POGZ: variants seen among roughly 807,000 people sequenced by gnomAD.
POGZ encodes the protein pogo transposable element with ZNF domain.
POGZ carries 17 observed loss-of-function variants against 134.6 expected under a neutral mutation model. The observed-to-expected ratio is 0.13, with a 90% CI of 0.09 to 0.19. POGZ has a LOEUF of 0.19. Among genes scored for constraint, POGZ ranks in the 10% least tolerant of loss-of-function variants. POGZ has a pLI of 1.00. For missense variants in POGZ, 1,306 were observed against 1,769.7 expected, an observed-to-expected ratio of 0.74 and a Z score of 4.70; for synonymous variants, 693 against 657.1, an observed-to-expected ratio of 1.05 and a Z score of -0.84.
At position 151,427,862 on chromosome 1, in the gene POGZ, C is replaced by T. The variant is rs774721621; in HGVS notation, c.1039G>A (p.Gly347Ser). Residue 347 changes from glycine (G) to serine (S), a missense_variant, in exon 7 of 19, where the codon GGC (glycine) becomes AGC (serine). Physicochemically the swap from Gly to Ser is moderately conservative, Grantham distance 56. Around this residue, in one of 10 missense-constraint regions of POGZ, gnomAD observed 541 missense variants for 680.5 expected, o/e 0.80. Coordinates refer to ENST00000271715, the MANE Select transcript of POGZ (RefSeq NM_015100.4). The part of the protein sequence containing the change: ...VVVSNNSSAH[G>S]SQRTSGPESS... ...TCAGGTCCGCTGGTTCTTTGAGAGC[C>T]ATGAGCAGAGCTGTTGTTGGACACC... 1.7e-5 allele frequency: 27 copies of T among 1,613,894 alleles called. No individual in the cohort carries two copies. The highest frequency in any genetic ancestry group is 8.3e-5 in the Admixed American group (5 of 59,988).
At chr1:151,453,671 A>G (rs186660986) in intron 1 of POGZ, among the ~76,000 whole-genome samples, 239 of 152,316 alleles carry the variant, frequency 1.6e-3, no homozygotes, top group Non-Finnish European at 2.4e-3. Context: ...TTAACACTGC[A>G]GGCTCACACA....
chr1:151,414,584 A>C (rs1262157841), intron 10 of POGZ, among the ~76,000 whole-genome samples: 2 of 152,208 alleles, frequency 1.3e-5, no homozygotes, highest in African/African-American at 4.8e-5. Context: ...GGAGTTCAAG[A>C]CAAGCCTGAC....
At position 151,441,010 on chromosome 1, in the gene POGZ, T is replaced by C. The variant is rs773958748; in HGVS notation, c.201A>G (p.Thr67=). Residue 67 remains threonine, a synonymous_variant, in exon 3 of 19, where the codon ACA becomes ACG. Coordinates refer to ENST00000271715, the MANE Select transcript of POGZ (RefSeq NM_015100.4). The part of the protein sequence containing the change: ...AHASVAGHLS[T]STTVSSSGAQ... ...CCCCGCTGCTACTAACGGTGGTGGA[T>C]GTAGAGAGGTGCCCAGCAACAGAAG... 11 of 1,613,710 alleles carry C rather than the reference T, an allele frequency of 6.8e-6. No homozygotes were observed. The highest frequency in any genetic ancestry group is 9.3e-6 in the Non-Finnish European group (11 of 1,179,776).
At position 151,405,738 on chromosome 1, in the gene POGZ, C is replaced by T. The variant is rs116755407; in HGVS notation, c.3297G>A (p.Glu1099=). The T allele has an allele frequency of 2.0e-3, 3,289 of 1,614,228 alleles. 8 individuals carry two copies. The highest frequency in any genetic ancestry group is 2.7e-3 in the Non-Finnish European group (3,182 of 1,180,032). ...CAAAATCAATGAAGAGTCCTGCATT[C>T]TCTGCTACATCCTTAGGTAGGGTGT... is the stretch of plus-strand genomic sequence containing the variant. The part of the protein sequence containing the change: ...VAHTLPKDVA[E]NAGLFIDFVQ... Residue 1099 remains glutamate, a synonymous_variant, in exon 19 of 19, where the codon GAG becomes GAA. Coordinates refer to ENST00000271715, the MANE Select transcript of POGZ (RefSeq NM_015100.4). The surrounding 1 kb of genome is among the most constrained non-coding windows in gnomAD (Gnocchi z 4.9).
chr1:151,446,046 CTTTTTTTTTTT>C (rs573169016), intron 1 of POGZ, among the ~76,000 whole-genome samples: 1 of 123,926 alleles, frequency 8.1e-6, no homozygotes, highest in African/African-American at 3.0e-5. Context: ...CGTCTTTCAA[CTTTTTTTTTTT>C]TTTTTTTTTA....
intron 17 of POGZ, 133 bp downstream of exon 17, chr1:151,406,778 G>A (rs1404990601): frequency 1.1e-5 from 11 of 968,364 alleles, no homozygotes; most frequent in Admixed American, 8.8e-5. Context: ...CAGGTCGGAA[G>A]GTTTCTAATT....
chr1:151,435,958 C>CTTTTTT (rs58367755), intron 3 of POGZ, among the ~76,000 whole-genome samples: 10 of 134,806 alleles, frequency 7.4e-5, no homozygotes, highest in Non-Finnish European at 1.4e-4. Context: ...ATTTTCTTTT[C>CTTTTTT]TTTTTTTTTT....
At chr1:151,458,576 G>GCGCACC (rs1663059418) in intron 1 of POGZ, among the ~76,000 whole-genome samples, 12 of 150,568 alleles carry the variant, frequency 8.0e-5, no homozygotes, top group African/African-American at 2.9e-4. Context: ...GGGGAGGGCC[G>GCGCACC]CGCACCCCCA....
chr1:151,448,382 T>C (rs996484877), intron 1 of POGZ, among the ~76,000 whole-genome samples: 3 of 151,978 alleles, frequency 2.0e-5, no homozygotes, highest in Non-Finnish European at 2.9e-5. Context: ...GAGGCTGAGG[T>C]GAGAGGATTA....
rs530780739 is a variant in POGZ at position 151,433,178 on chromosome 1, C to A, written c.284-2337G>T. Among the ~76,000 whole-genome samples the A allele has an allele frequency of 4.6e-5, 7 of 152,190 alleles. No homozygotes were observed. In the South Asian group the frequency reaches 1.4e-3, roughly 32 times the overall value. The stretch of plus-strand genomic sequence containing the variant: ...TTTGCATTTATGGGAAATCAGTCAG[C>A]ATTAGCAAGTCTCTTAAAGACAGAC... On this transcript the variant is annotated intron_variant, in intron 3 of 18. Transcript: ENST00000271715.
chr1:151,441,022 C>T lies in POGZ; in HGVS notation c.189G>A (p.Gly63=). ...TAACGGTGGTGGATGTAGAGAGGTG[C>T]CCAGCAACAGAAGCATGGGCAGCGA... is the stretch of plus-strand genomic sequence containing the variant. ...VPIAAHASVA[G]HLSTSTTVSS... Residue 63 remains glycine (G), a synonymous_variant, in exon 3 of 19, where the codon GGG becomes GGA. Transcript: ENST00000271715. The T allele has an allele frequency of 1.2e-6, 2 of 1,613,902 alleles. No homozygotes were observed. Among genetic ancestry groups the T allele is most frequent in the Middle Eastern group, 1.6e-4 (1 of 6,062 alleles).
rs371817876 is a variant in POGZ at position 151,408,234 on chromosome 1, G to A, written c.2241C>T (p.Val747=). ...ACTCCAGGCATGTCTGCCGGCCCAT[G>A]ACACTCCTGTGGGGGAAAAAAAAAA... ...IQKRAVRKMS[V]MGRQTCLECS... is the part of the protein sequence containing the mutation. Residue 747 remains valine (V), a synonymous_variant, in exon 15 of 19, where the codon GTC becomes GTT. Coordinates refer to ENST00000271715, the MANE Select transcript of POGZ (RefSeq NM_015100.4). 51 of 1,610,656 alleles carry A rather than the reference G, an allele frequency of 3.2e-5. No homozygotes were observed. The highest frequency in any genetic ancestry group is 4.0e-5 in the Non-Finnish European group (47 of 1,179,014).
intron 1 of POGZ, among the ~76,000 whole-genome samples, chr1:151,443,008 C>A (rs545463296): frequency 6.6e-6 from 1 of 152,138 alleles, no homozygotes; most frequent in South Asian, 2.1e-4. Flanking sequence ...CCAGCCTGGG[C>A]AATAGAGACT....
chr1:151,450,195 C>A (rs1250634347), intron 1 of POGZ, among the ~76,000 whole-genome samples: 1 of 150,494 alleles, frequency 6.6e-6, no homozygotes, highest in Non-Finnish European at 1.5e-5. Flanking sequence ...CCACGGCTGG[C>A]TAGTTTTTGT....
chr1:151,451,824 C>A (rs951535002), intron 1 of POGZ, among the ~76,000 whole-genome samples: 1 of 151,428 alleles, frequency 6.6e-6, no homozygotes, highest in Non-Finnish European at 1.5e-5. Context: ...CGGCTGGACG[C>A]GGTGGCTCAC....
intron 12 of POGZ, 116 bp from the exon 13 acceptor site, chr1:151,408,944 T>C (rs1654162076): frequency 2.2e-6 from 2 of 909,710 alleles, no homozygotes; most frequent in Non-Finnish European, 3.4e-6. Flanking sequence ...ACCTTTCTGT[T>C]GATAATTTAA....
At chr1:151,434,393 G>A (rs777281347) in intron 3 of POGZ, among the ~76,000 whole-genome samples, 2 of 152,056 alleles carry the variant, frequency 1.3e-5, no homozygotes, top group Non-Finnish European at 2.9e-5. Flanking sequence ...AGGATCGTTT[G>A]AGCCTGGGAG....
chr1:151,404,064 T>C lies in POGZ; in HGVS notation c.*738A>G. On this transcript the variant is annotated 3_prime_UTR_variant, in exon 19 of 19. Transcript: ENST00000271715. Reference sequence around the variant, plus strand: ...ATGTCATGTTTTGGAGGGAAGGTGGTGAGGAAAAGACAAATCTATTCATTC... The same window carrying C: ...ATGTCATGTTTTGGAGGGAAGGTGGCGAGGAAAAGACAAATCTATTCATTC... The C allele has an allele frequency of 1.0e-6, 1 of 985,452 alleles. No individual in the cohort carries two copies. The highest frequency in any genetic ancestry group is 1.2e-6 in the Non-Finnish European group (1 of 829,908). 61.0% of individuals were successfully genotyped at this position (985,452 alleles called of 1,614,324 possible).
intron 3 of POGZ, among the ~76,000 whole-genome samples, chr1:151,436,929 C>T (rs984071139): frequency 6.6e-6 from 1 of 152,130 alleles, no homozygotes; most frequent in African/African-American, 2.4e-5. Flanking sequence ...TGAGGCGGCT[C>T]ATGTCTGTAA....
Sources: gnomAD v4.1 joint callset for allele counts (sites outside exome capture counted in the v4.1 genomes callset) on GRCh38, gnomAD v4.1.1 for gene constraint, gnomAD v4.1.1 regional missense constraint, Gnocchi (gnomAD v3.1) non-coding constraint, MANE v1.5 for transcripts, NCBI Gene and HGNC (gene_info 2026-07-23, HGNC 2026-07-21) for gene names.